The following KLRG1 variants were observed in gnomAD, a reference collection of about 807,000 sequenced individuals.
KLRG1 encodes the protein killer cell lectin-like receptor subfamily G member 1.
In KLRG1, 16 loss-of-function variants were observed where a neutral mutation model predicts 21.8. The observed-to-expected ratio is 0.73, with a 90% CI of 0.50 to 1.11. The LOEUF (loss-of-function observed/expected upper bound fraction) is 1.11, where lower values mean the gene tolerates loss of function less well. Among genes scored for constraint, KLRG1 ranks in the 50% most tolerant of loss-of-function variants. The pLI, the probability that KLRG1 is intolerant of heterozygous loss-of-function variation, is 0.00. For synonymous variants in KLRG1, 69 were observed against 75.9 expected, an observed-to-expected ratio of 0.91 and a Z score of 0.47; for missense variants, 173 against 218.3, an observed-to-expected ratio of 0.79 and a Z score of 1.31.
At chr12:9,192,261 A>G in the KLRG1 span, 1 of 1,613,860 alleles carries the variant, frequency 6.2e-7, no homozygotes. Context: ...CATGATCTGA[A>G]ATGAAAAAAC....
chr12:9,032,293 C>G, the KLRG1 span, among the ~76,000 whole-genome samples: 1 of 152,094 alleles, frequency 6.6e-6, no homozygotes. Flanking sequence ...CTTAGCTTAC[C>G]CTACAGGACT....
chr12:9,201,473 C>A, the KLRG1 span: 2 of 692,084 alleles, frequency 2.9e-6, no homozygotes, highest in Non-Finnish European at 4.9e-6. Context: ...AGAAACATAA[C>A]AGAACTGGAA....
the KLRG1 span, among the ~76,000 whole-genome samples, chr12:9,061,619 G>A: frequency 6.6e-6 from 1 of 152,082 alleles, no homozygotes; most frequent in Non-Finnish European, 1.5e-5. Context: ...TTTGAGACCA[G>A]CCTGGGCAGC....
At chr12:9,120,790 T>C in the KLRG1 span, among the ~76,000 whole-genome samples, 2 of 152,048 alleles carry the variant, frequency 1.3e-5, no homozygotes, top group African/African-American at 4.8e-5. Context: ...GAAATATATA[T>C]CTACAGAGAT....
the KLRG1 span, chr12:9,148,815 G>A: frequency 1.6e-6 from 1 of 626,060 alleles, no homozygotes; most frequent in Non-Finnish European, 2.8e-6. Context: ...ATTAATGTCT[G>A]ATGAATGAAT....
rs750896959 is a variant in KLRG1 at position 9,009,463 on chromosome 12, A to G, written c.496A>G (p.Ile166Val). Residue 166 changes from isoleucine (I) to valine (V), a missense_variant, in exon 5 of 5, where the codon ATC (isoleucine) becomes GTC (valine). Ile to Val is a conservative substitution (Grantham distance 29). Around this residue, in one of 3 missense-constraint regions of KLRG1, gnomAD observed 26 missense variants for 36.9 expected, o/e 0.70. Coordinates refer to ENST00000356986, the MANE Select transcript of KLRG1 (RefSeq NM_005810.4). ...SNSFVQTCGA[I>V]NKNGLQASSC... is the part of the protein sequence containing the mutation. Reference sequence around the variant, plus strand: ...TAGCTTTGTGCAGACATGCGGTGCCATCAACAAAAATGGTCTTCAAGCCTC... The same window carrying G: ...TAGCTTTGTGCAGACATGCGGTGCCGTCAACAAAAATGGTCTTCAAGCCTC... The G allele has an allele frequency of 1.2e-6, 2 of 1,613,924 alleles. No homozygotes were observed. The highest frequency in any genetic ancestry group is 1.7e-6 in the Non-Finnish European group (2 of 1,179,912).
At chr12:9,079,255 C>T in the KLRG1 span, 21 of 1,613,376 alleles carry the variant, frequency 1.3e-5, no homozygotes, top group Non-Finnish European at 1.7e-5. Context: ...AGGTGTTGCC[C>T]TGGTTCCTGC....
At chr12:9,099,347 A>G in the KLRG1 span, 5 of 1,537,574 alleles carry the variant, frequency 3.3e-6, no homozygotes, top group Non-Finnish European at 4.4e-6. Context: ...TTCTAGTTTT[A>G]CATGTTGAAG....
chr12:8,995,658 T>C (rs1252239453), intron 3 of KLRG1, among the ~76,000 whole-genome samples: 1 of 151,336 alleles, frequency 6.6e-6, no homozygotes, highest in Non-Finnish European at 1.5e-5. Flanking sequence ...TCCGGAAACC[T>C]ACAGGTCCAA....
chr12:9,079,517 A>G, the KLRG1 span: 1 of 1,101,958 alleles, frequency 9.1e-7, no homozygotes, highest in Non-Finnish European at 1.3e-6. Context: ...GAAATTAACT[A>G]TCATAGCAGC....
intron 3 of KLRG1, among the ~76,000 whole-genome samples, chr12:9,005,282 C>T (rs993971587): frequency 6.6e-6 from 1 of 152,046 alleles, no homozygotes; most frequent in Non-Finnish European, 1.5e-5. Flanking sequence ...CAGTAATCCA[C>T]CATGGCACGT....
chr12:8,966,906 T>C (rs1400248565), intron 1 of KLRG1, among the ~76,000 whole-genome samples: 2 of 149,538 alleles, frequency 1.3e-5, no homozygotes, highest in African/African-American at 2.5e-5. Flanking sequence ...TGCGGCATTA[T>C]TCACAATAGC....
the KLRG1 span, among the ~76,000 whole-genome samples, chr12:9,038,429 T>G: frequency 6.6e-6 from 1 of 152,208 alleles, no homozygotes; most frequent in Admixed American, 6.5e-5. Flanking sequence ...TCAACTGATA[T>G]TGAATCAATT....
At chr12:9,072,358 C>T in the KLRG1 span, 1 of 1,613,784 alleles carries the variant, frequency 6.2e-7, no homozygotes, top group Non-Finnish European at 8.5e-7. Flanking sequence ...GAAGGTCTTA[C>T]CTGACACTTA....
chr12:9,146,151 T>C, the KLRG1 span, among the ~76,000 whole-genome samples: 1 of 152,128 alleles, frequency 6.6e-6, no homozygotes, highest in Non-Finnish European at 1.5e-5. Flanking sequence ...CTGACTCTCA[T>C]AATTTGTATA....
chr12:8,958,873 C>T (rs1466598853), intron 1 of KLRG1, among the ~76,000 whole-genome samples: 1 of 151,568 alleles, frequency 6.6e-6, no homozygotes, highest in Admixed American at 6.6e-5. Context: ...AAAAAAAAAT[C>T]CTGCTGGGGT....
At chr12:9,095,319 T>C in the KLRG1 span, among the ~76,000 whole-genome samples, 1 of 152,224 alleles carries the variant, frequency 6.6e-6, no homozygotes, top group Non-Finnish European at 1.5e-5. Flanking sequence ...ACAGAGCAAT[T>C]AATTCCTGTG....
At chr12:9,180,097 C>T in the KLRG1 span, among the ~76,000 whole-genome samples, 1 of 152,096 alleles carries the variant, frequency 6.6e-6, no homozygotes, top group Admixed American at 6.6e-5. Context: ...CGTATTTTTA[C>T]TGTTATATTT....
the KLRG1 span, among the ~76,000 whole-genome samples, chr12:9,097,158 G>A: frequency 6.6e-6 from 1 of 152,188 alleles, no homozygotes; most frequent in African/African-American, 2.4e-5. Flanking sequence ...TATAAAACAT[G>A]TATATTATTT....
Sources: allele counts gnomAD v4.1 joint callset (sites outside exome capture counted in the v4.1 genomes callset), GRCh38; gene constraint gnomAD v4.1.1; regional missense constraint gnomAD v4.1.1; transcripts MANE v1.5; gene names NCBI Gene and HGNC (gene_info 2026-07-23, HGNC 2026-07-21).